BDKRB2: variants seen among roughly 807,000 people sequenced by gnomAD.
The protein encoded by BDKRB2 is bradykinin receptor B2.
In BDKRB2, 6 loss-of-function variants were observed where a neutral mutation model predicts 4.0. The ratio of observed to expected loss-of-function variants is 1.49; its 90% confidence interval spans 0.81 to 2.93. The LOEUF (loss-of-function observed/expected upper bound fraction) is 2.93. Ranked by LOEUF, BDKRB2 falls within the 30% of genes most tolerant of loss-of-function variation. The pLI, the probability that BDKRB2 is intolerant of heterozygous loss-of-function variation, is 0.00. For missense variants in BDKRB2, 478 were observed against 520.1 expected (o/e 0.92, Z 0.79); for synonymous variants, 225 against 215.3 (o/e 1.05, Z -0.40).
intron 1 of BDKRB2, 79 bp from the exon 2 acceptor site, chr14:96,236,990 C>A (rs561993711): frequency 5.9e-6 from 5 of 850,990 alleles, no homozygotes; most frequent in Non-Finnish European, 9.9e-6. Context: ...GTCTCCATTT[C>A]TCCTCCCTGC....
chr14:96,213,018 G>C (rs1326359407), intron 1 of BDKRB2, among the ~76,000 whole-genome samples: 2 of 152,080 alleles, frequency 1.3e-5, no homozygotes, highest in Non-Finnish European at 2.9e-5. Context: ...TCAATATTTA[G>C]AAATTGGCAC....
intron 1 of BDKRB2, among the ~76,000 whole-genome samples, chr14:96,234,841 C>T (rs546558401): frequency 5.9e-5 from 9 of 152,168 alleles, no homozygotes; most frequent in Non-Finnish European, 1.0e-4. Context: ...ACGCTGGACA[C>T]GTCCCCCATG....
chr14:96,217,710 G>T (rs575584913), intron 1 of BDKRB2, among the ~76,000 whole-genome samples: 1 of 152,108 alleles, frequency 6.6e-6, no homozygotes, highest in African/African-American at 2.4e-5. Context: ...TCCCAGTAGC[G>T]CCAGCCAGAG....
At chr14:96,209,211 C>T (rs1890251101) in intron 1 of BDKRB2, among the ~76,000 whole-genome samples, 1 of 152,202 alleles carries the variant, frequency 6.6e-6, no homozygotes, top group South Asian at 2.1e-4. Context: ...CAGACTGCGG[C>T]AAATCTCAAT....
At chr14:96,209,366 G>T (rs778184120) in intron 1 of BDKRB2, among the ~76,000 whole-genome samples, 30 of 152,214 alleles carry the variant, frequency 2.0e-4, no homozygotes, top group Non-Finnish European at 2.5e-4. Flanking sequence ...AAATCAAAGA[G>T]AAACTGACTG....
Position 96,204,868 on chromosome 14 carries a change from AGGGGTGGGG to A in BDKRB2, c.-130_-122del, listed in dbSNP as rs1362444697. Reference sequence around the variant, plus strand: ...CAGCTCTGGCTTCTGGGCTCCGAGGAGGGGTGGGGACGGTGGGGACGGTGGGGACATCAG... The same window carrying A: ...CAGCTCTGGCTTCTGGGCTCCGAGGAACGGTGGGGACGGTGGGGACATCAG... On this transcript the variant is annotated 5_prime_UTR_variant, in exon 1 of 3. Coordinates refer to ENST00000554311, the MANE Select transcript of BDKRB2 (RefSeq NM_001379692.1). The A allele has an allele frequency of 8.8e-6, 3 of 339,914 alleles. No individual in the cohort carries two copies. The highest frequency in any genetic ancestry group is 1.7e-5 in the Non-Finnish European group (3 of 173,184). The allele number at this position is 339,914 out of a possible 1,614,324, so 21.1% of individuals were successfully genotyped here.
At chr14:96,206,588 T>G (rs1360632628) in intron 1 of BDKRB2, among the ~76,000 whole-genome samples, 4 of 151,976 alleles carry the variant, frequency 2.6e-5, no homozygotes, top group Non-Finnish European at 1.5e-5. Flanking sequence ...CCATTAGAAG[T>G]AATGCCAAAA....
intron 1 of BDKRB2, among the ~76,000 whole-genome samples, chr14:96,225,872 T>G (rs1755435125): frequency 6.6e-6 from 1 of 152,122 alleles, no homozygotes; most frequent in African/African-American, 2.4e-5. Context: ...GCAGGGCCAG[T>G]AACTGGTTAG....
At position 96,243,119 on chromosome 14, in the gene BDKRB2, G is replaced by C. The variant is rs200711679; in HGVS notation, c.*1615G>C. 1.3e-5 allele frequency: 2 copies of C among 155,608 alleles called. No homozygotes were observed. The highest frequency in any genetic ancestry group is 1.9e-4 in the East Asian group (1 of 5,252). 9.6% of individuals were successfully genotyped at this position (155,608 alleles called of 1,614,324 possible). On this transcript the variant is annotated 3_prime_UTR_variant, in exon 3 of 3. Coordinates refer to ENST00000554311, the MANE Select transcript of BDKRB2 (RefSeq NM_001379692.1). Reference sequence around the variant, plus strand: ...AGAAGCTGGAGGACTAGAACCTGGAGGGCTGGAATCTGGAGAGCTAGAACC... The same window carrying C: ...AGAAGCTGGAGGACTAGAACCTGGACGGCTGGAATCTGGAGAGCTAGAACC...
chr14:96,236,619 AC>A (rs1890941036), intron 1 of BDKRB2, among the ~76,000 whole-genome samples: 1 of 151,982 alleles, frequency 6.6e-6, no homozygotes, highest in Non-Finnish European at 1.5e-5. Context: ...CTTCCACTCT[AC>A]CCCCACTGCA....
At position 96,241,600 on chromosome 14, in the gene BDKRB2, C is replaced by A; in HGVS notation, c.*96C>A. ...GGAATGCCAAGGAGACATCTATGCA[C>A]GACCTTGGGAAATGAGTTGATGTCT... On this transcript the variant is annotated 3_prime_UTR_variant, in exon 3 of 3. Transcript: ENST00000554311. 1.4e-6 allele frequency: 2 copies of A among 1,451,134 alleles called. No homozygotes were observed. Among genetic ancestry groups the A allele is most frequent in the South Asian group, 1.5e-5 (1 of 66,602 alleles). 89.9% of individuals were successfully genotyped at this position (1,451,134 alleles called of 1,614,324 possible).
rs1885218017 is a variant in BDKRB2, at chr14:96,239,605, G to A, written c.75-798G>A. The A allele has an allele frequency of 5.1e-6, 5 of 983,702 alleles. No homozygotes were observed. The South Asian group carries it at 1.9e-4, about 37-fold the overall frequency. The allele number at this position is 983,702 out of a possible 1,614,324, so 60.9% of individuals were successfully genotyped here. ...GAATTGTTAATTACTAATGTTTATT[G>A]AGCCTAGTGCAGTGCTTGGGGCATT... On this transcript the variant is annotated intron_variant, in intron 2 of 2. Coordinates refer to ENST00000554311, the MANE Select transcript of BDKRB2 (RefSeq NM_001379692.1).
chr14:96,208,604 A>G (rs1470221500), intron 1 of BDKRB2, among the ~76,000 whole-genome samples: 1 of 152,214 alleles, frequency 6.6e-6, no homozygotes, highest in Non-Finnish European at 1.5e-5. Flanking sequence ...CGGACTGTCT[A>G]TGGAGGCAGG....
At chr14:96,227,607 A>G (rs1048617134) in intron 1 of BDKRB2, among the ~76,000 whole-genome samples, 4 of 151,998 alleles carry the variant, frequency 2.6e-5, no homozygotes, top group East Asian at 1.9e-4. Context: ...AAACACATGC[A>G]TGCACACACA....
chr14:96,206,686 C>G (rs921235809), intron 1 of BDKRB2, among the ~76,000 whole-genome samples: 1 of 152,148 alleles, frequency 6.6e-6, no homozygotes, highest in African/African-American at 2.4e-5. Context: ...TTTGGTGGCT[C>G]CAGAGGTAAC....
intron 1 of BDKRB2, among the ~76,000 whole-genome samples, chr14:96,205,765 G>A (rs576701817): frequency 6.6e-6 from 1 of 152,346 alleles, no homozygotes; most frequent in Admixed American, 6.5e-5. Flanking sequence ...CAAAGATAGA[G>A]GTAGGCTCTT....
At chr14:96,205,920 G>A (rs1253906343) in intron 1 of BDKRB2, among the ~76,000 whole-genome samples, 2 of 152,188 alleles carry the variant, frequency 1.3e-5, no homozygotes, top group Non-Finnish European at 2.9e-5. Flanking sequence ...GCCTCACTGA[G>A]TCACAGGCCG....
intron 2 of BDKRB2, among the ~76,000 whole-genome samples, 190 bp downstream of exon 2, chr14:96,237,371 G>T (rs768389373): frequency 6.6e-6 from 1 of 152,182 alleles, no homozygotes; most frequent in African/African-American, 2.4e-5. Flanking sequence ...AATGTTCTGC[G>T]GAACTAGAGG....
intron 1 of BDKRB2, among the ~76,000 whole-genome samples, chr14:96,227,374 A>G (rs949667968): frequency 2.0e-5 from 3 of 152,194 alleles, no homozygotes; most frequent in Non-Finnish European, 4.4e-5. Context: ...TGAGGCCCTG[A>G]GGAGTTAAGC....
Sources: gnomAD v4.1 joint callset for allele counts (sites outside exome capture counted in the v4.1 genomes callset) on GRCh38, gnomAD v4.1.1 for gene constraint, MANE v1.5 for transcripts, NCBI Gene and HGNC (gene_info 2026-07-23, HGNC 2026-07-21) for gene names.